The following STX8 variants were observed in gnomAD, a reference collection of about 807,000 sequenced individuals.
STX8 encodes syntaxin 8.
STX8 carries 23 observed loss-of-function variants against 37.5 expected under a neutral mutation model. That is an observed-to-expected ratio of 0.61 (90% CI 0.44 to 0.87). The LOEUF (loss-of-function observed/expected upper bound fraction) is 0.87, where lower values mean the gene tolerates loss of function less well. Among genes scored for constraint, STX8 ranks in the 40% least tolerant of loss-of-function variants. The pLI is 0.00. For synonymous variants in STX8, 115 were observed against 99.1 expected (o/e 1.16, Z -0.95); for missense variants, 313 against 284.7 (o/e 1.10, Z -0.71).
At chr17:9,436,167 T>C (rs2142378529) in intron 6 of STX8, among the ~76,000 whole-genome samples, 1 of 148,608 alleles carries the variant, frequency 6.7e-6, no homozygotes, top group East Asian at 2.0e-4. Flanking sequence ...TGAAACCCCG[T>C]CTCTACTAAA....
chr17:9,279,951 A>G (rs867558940), intron 7 of STX8, among the ~76,000 whole-genome samples: 10 of 152,232 alleles, frequency 6.6e-5, no homozygotes, highest in African/African-American at 1.9e-4. Flanking sequence ...ATCAGAAAAT[A>G]TAACAGGGTG....
chr17:9,432,108 G>A (rs1031817062), intron 6 of STX8, among the ~76,000 whole-genome samples: 1 of 151,676 alleles, frequency 6.6e-6, no homozygotes, highest in African/African-American at 2.4e-5. Flanking sequence ...TTGAAAGTTT[G>A]CTTCAAGCAG....
chr17:9,321,146 TAAC>T (rs1909563278), intron 7 of STX8, among the ~76,000 whole-genome samples: 1 of 151,912 alleles, frequency 6.6e-6, no homozygotes, highest in South Asian at 2.1e-4. Context: ...GGAATAAAAA[TAAC>T]GACATGGGAA....
At chr17:9,459,673 G>A (rs1905293828) in intron 6 of STX8, among the ~76,000 whole-genome samples, 1 of 152,044 alleles carries the variant, frequency 6.6e-6, no homozygotes, top group Non-Finnish European at 1.5e-5. Flanking sequence ...CCACCACGAC[G>A]TCCAGCTAAT....
rs146019790 is a variant in STX8 at position 9,519,669 on chromosome 17, T to G, written c.324-14507A>C. On this transcript the variant is annotated intron_variant, in intron 4 of 7. Transcript: ENST00000306357. Reference sequence around the variant, plus strand: ...CCCAGAAGCTACAACATGGCTACGATCTCTCTACGACATCATCTCCTCAAC... The same window carrying G: ...CCCAGAAGCTACAACATGGCTACGAGCTCTCTACGACATCATCTCCTCAAC... 3.1e-3 allele frequency among the ~76,000 whole-genome samples: 469 copies of G among 152,204 alleles called. 4 individuals carry two copies. The highest frequency in any genetic ancestry group is 5.2e-3 in the Non-Finnish European group (356 of 68,010).
intron 6 of STX8, among the ~76,000 whole-genome samples, chr17:9,444,008 G>A (rs1166409168): frequency 6.6e-6 from 1 of 152,100 alleles, no homozygotes; most frequent in African/African-American, 2.4e-5. Context: ...CTGTCATCGT[G>A]TTCATTCATA....
chr17:9,543,428 G>A (rs1906366525), intron 4 of STX8, among the ~76,000 whole-genome samples: 1 of 151,966 alleles, frequency 6.6e-6, no homozygotes, highest in Non-Finnish European at 1.5e-5. Context: ...TGAGTAGCTG[G>A]GACTACAGGT....
chr17:9,431,108 G>A (rs1388725189), intron 6 of STX8, among the ~76,000 whole-genome samples: 1 of 151,502 alleles, frequency 6.6e-6, no homozygotes, highest in Non-Finnish European at 1.5e-5. Context: ...CACCTGCCTT[G>A]GTCTCCCAAA....
chr17:9,410,791 AT>A (rs537515146), intron 6 of STX8, among the ~76,000 whole-genome samples: 3 of 152,160 alleles, frequency 2.0e-5, no homozygotes, highest in South Asian at 2.1e-4. Context: ...ACTTCATTAC[AT>A]TTTTTTCCTA....
intron 5 of STX8, among the ~76,000 whole-genome samples, chr17:9,503,442 T>A (rs890553053): frequency 7.2e-5 from 11 of 152,324 alleles, no homozygotes; most frequent in Admixed American, 3.9e-4. Flanking sequence ...TCAAATCATA[T>A]ACTTCAAACA....
At chr17:9,403,046 CA>C (rs1408697416) in intron 6 of STX8, among the ~76,000 whole-genome samples, 1 of 152,134 alleles carries the variant, frequency 6.6e-6, no homozygotes, top group Non-Finnish European at 1.5e-5. Context: ...GACTGACATC[CA>C]AAAGAGACAA....
intron 6 of STX8, among the ~76,000 whole-genome samples, chr17:9,391,783 A>G (rs568838299): frequency 3.9e-5 from 6 of 152,160 alleles, no homozygotes; most frequent in South Asian, 2.1e-4. Context: ...TAGGGTAACT[A>G]AAGTCCTAGA....
At chr17:9,529,670 TTCTG>T (rs1307559440) in intron 4 of STX8, among the ~76,000 whole-genome samples, 1 of 152,230 alleles carries the variant, frequency 6.6e-6, no homozygotes, top group African/African-American at 2.4e-5. Flanking sequence ...GTGTAAACTC[TTCTG>T]TCTGACATGA....
At position 9,250,613 on chromosome 17, in the gene STX8, C is replaced by T; in HGVS notation, c.676G>A (p.Ala226Thr). 5.0e-6 allele frequency: 8 copies of T among 1,600,670 alleles called. No homozygotes were observed. The highest frequency in any genetic ancestry group is 6.0e-6 in the Non-Finnish European group (7 of 1,173,860). The part of the protein sequence containing the change: ...MIMVILLLLV[A>T]IVVVAVWPTN Reference sequence around the variant, plus strand: ...GGCCAGACTGCAACAACCACGATAGCCACAAGCAGCAGTAAAATCACCATG... The same window carrying T: ...GGCCAGACTGCAACAACCACGATAGTCACAAGCAGCAGTAAAATCACCATG... Residue 226 changes from alanine (A) to threonine (T), a missense_variant, in exon 8 of 8, where the codon GCT becomes ACT. Physicochemically the swap from Ala to Thr is moderately conservative, Grantham distance 58. Coordinates refer to ENST00000306357, the MANE Select transcript of STX8 (RefSeq NM_004853.3).
intron 7 of STX8, among the ~76,000 whole-genome samples, chr17:9,294,745 C>T (rs1156518048): frequency 6.6e-6 from 1 of 152,164 alleles, no homozygotes; most frequent in Non-Finnish European, 1.5e-5. Context: ...AAGCCCAAAT[C>T]CTCAATGTAA....
chr17:9,505,919 G>A (rs1904804532), intron 4 of STX8, among the ~76,000 whole-genome samples: 1 of 147,576 alleles, frequency 6.8e-6, no homozygotes, highest in Non-Finnish European at 1.5e-5. Context: ...TGCAGCCTGG[G>A]TAGCGGAGCA....
chr17:9,295,670 G>T (rs1222860946), intron 7 of STX8, among the ~76,000 whole-genome samples: 4 of 151,996 alleles, frequency 2.6e-5, no homozygotes, highest in Non-Finnish European at 5.9e-5. Flanking sequence ...TTGAAACCAG[G>T]AGGCAGAGGT....
chr17:9,328,321 A>C (rs933586853), intron 7 of STX8, among the ~76,000 whole-genome samples: 1 of 152,020 alleles, frequency 6.6e-6, no homozygotes, highest in African/African-American at 2.4e-5. Flanking sequence ...CTTGGGGAAA[A>C]GGGAAGGAAG....
intron 6 of STX8, among the ~76,000 whole-genome samples, chr17:9,477,330 C>A (rs1054559995): frequency 6.6e-6 from 1 of 152,038 alleles, no homozygotes; most frequent in Non-Finnish European, 1.5e-5. Flanking sequence ...TATAATTCAG[C>A]CCATAGCAGC....
Sources: gnomAD v4.1 joint callset for allele counts (sites outside exome capture counted in the v4.1 genomes callset) on GRCh38, gnomAD v4.1.1 for gene constraint, MANE v1.5 for transcripts, NCBI Gene and HGNC (gene_info 2026-07-23, HGNC 2026-07-21) for gene names.